Variants in WIPI2 observed in about 807,000 individuals in gnomAD.
The protein encoded by WIPI2 is WD repeat domain, phosphoinositide interacting 2.
Under a neutral mutation model 52.3 loss-of-function variants are expected in WIPI2, and 28 were observed. That is an observed-to-expected ratio of 0.54 (90% CI 0.40 to 0.73). The LOEUF is 0.73. Among genes scored for constraint, WIPI2 ranks in the 30% least tolerant of loss-of-function variants. The pLI, the probability that WIPI2 is intolerant of heterozygous loss-of-function variation, is 0.00. For synonymous variants in WIPI2, 268 were observed against 245.0 expected (o/e 1.09, Z -0.88); for missense variants, 506 against 602.9 (o/e 0.84, Z 1.68).
chr7:5,204,439 C>G (rs1483490171), intron 3 of WIPI2, among the ~76,000 whole-genome samples: 2 of 152,156 alleles, frequency 1.3e-5, no homozygotes, highest in African/African-American at 4.8e-5. Context: ...TGCGCTCCAG[C>G]TTGGGCTGTC....
At chr7:5,222,201 G>C (rs62441067) in intron 7 of WIPI2, among the ~76,000 whole-genome samples, 1 of 152,132 alleles carries the variant, frequency 6.6e-6, no homozygotes, top group Non-Finnish European at 1.5e-5. Flanking sequence ...TGCCCGCCTC[G>C]GCCTCCCAAA....
chr7:5,202,379 C>T (rs770229142), intron 3 of WIPI2, among the ~76,000 whole-genome samples: 4 of 152,054 alleles, frequency 2.6e-5, no homozygotes, highest in Non-Finnish European at 4.4e-5. Flanking sequence ...TGTTTATGGG[C>T]GCCTCATATA....
rs1193535556 is a variant in WIPI2 at position 5,217,076 on chromosome 7, T to C, written c.479-14T>C. ...GTGGAAGTTTGCATCTCGTCCTCCG[T>C]GTGTCATTTGCAGGCCTGTGTGCGC... On this transcript the variant is annotated splice_polypyrimidine_tract_variant and intron_variant, in intron 5 of 12. Transcript: ENST00000288828. The C allele has an allele frequency of 1.9e-6, 3 of 1,602,098 alleles. No homozygotes were observed. The highest frequency in any genetic ancestry group is 2.6e-6 in the Non-Finnish European group (3 of 1,170,214).
At chr7:5,217,336 G>C in intron 6 of WIPI2, 149 bp downstream of exon 6, 1 of 827,204 alleles carries the variant, frequency 1.2e-6, no homozygotes, top group Admixed American at 2.1e-5. Flanking sequence ...ACAGGGTCTG[G>C]CTCTGTCGCC....
At chr7:5,215,396 C>T (rs1336738484) in intron 4 of WIPI2, among the ~76,000 whole-genome samples, 1 of 152,178 alleles carries the variant, frequency 6.6e-6, no homozygotes, top group Non-Finnish European at 1.5e-5. Context: ...ATTACTTTAT[C>T]TCCCCCTAAA....
intron 4 of WIPI2, 130 bp downstream of exon 4, chr7:5,214,834 C>T: frequency 9.4e-7 from 1 of 1,062,556 alleles, no homozygotes; most frequent in Non-Finnish European, 1.4e-6. Context: ...GGCACAGATC[C>T]TTGCCTACAG....
chr7:5,219,911 A>G (rs909786899), intron 7 of WIPI2, among the ~76,000 whole-genome samples: 8 of 147,486 alleles, frequency 5.4e-5, no homozygotes, highest in African/African-American at 1.0e-4. Flanking sequence ...TCTCTGCTCT[A>G]TGCAACCTCC....
intron 4 of WIPI2, among the ~76,000 whole-genome samples, chr7:5,215,845 T>C (rs921666509): frequency 6.6e-6 from 1 of 152,264 alleles, no homozygotes; most frequent in Admixed American, 6.5e-5. Context: ...TCTACATTCA[T>C]TTTCTTCCAA....
chr7:5,204,984 T>C (rs918396945), intron 3 of WIPI2, among the ~76,000 whole-genome samples: 1 of 149,804 alleles, frequency 6.7e-6, no homozygotes, highest in Non-Finnish European at 1.5e-5. Context: ...CCTATTAGTC[T>C]TTTTTTTTTG....
At chr7:5,197,804 C>T (rs750812605) in intron 2 of WIPI2, among the ~76,000 whole-genome samples, 5 of 152,186 alleles carry the variant, frequency 3.3e-5, no homozygotes, top group African/African-American at 4.8e-5. Context: ...TTCTGTTTTA[C>T]CTCCTCATTT....
At chr7:5,223,548 G>T (rs1054405359) in intron 8 of WIPI2, among the ~76,000 whole-genome samples, 8 of 152,148 alleles carry the variant, frequency 5.3e-5, no homozygotes, top group African/African-American at 1.7e-4. Flanking sequence ...GAGTTTTCCT[G>T]TGTTGCTGCT....
At chr7:5,229,539 G>A (rs1167864541) in intron 11 of WIPI2, 69 bp from the exon 12 acceptor site, 21 of 1,548,858 alleles carry the variant, frequency 1.4e-5, no homozygotes, top group Non-Finnish European at 1.6e-5. Context: ...CCGCAGGGCA[G>A]CCAGTGTGTA....
intron 8 of WIPI2, among the ~76,000 whole-genome samples, chr7:5,225,106 GC>G (rs1783358910): frequency 1.3e-5 from 2 of 151,436 alleles, no homozygotes; most frequent in African/African-American, 4.8e-5. Context: ...ACACACTGGA[GC>G]CACTTTCCCT....
chr7:5,211,222 A>G (rs1038677919), intron 3 of WIPI2, among the ~76,000 whole-genome samples: 3 of 152,242 alleles, frequency 2.0e-5, no homozygotes, highest in Non-Finnish European at 4.4e-5. Flanking sequence ...CTGTAATCCA[A>G]GCACTTTGGG....
At chr7:5,194,516 G>A (rs187083993) in intron 2 of WIPI2, among the ~76,000 whole-genome samples, 120 of 152,288 alleles carry the variant, frequency 7.9e-4, no homozygotes, top group Non-Finnish European at 1.4e-3. Flanking sequence ...ATTCATTGAC[G>A]GAGACTTTCA....
chr7:5,201,078 C>T (rs533087129), intron 3 of WIPI2, among the ~76,000 whole-genome samples: 2 of 152,346 alleles, frequency 1.3e-5, no homozygotes, highest in African/African-American at 2.4e-5. Flanking sequence ...TTATCCCAGG[C>T]GCCGCCCGCC....
intron 4 of WIPI2, among the ~76,000 whole-genome samples, chr7:5,215,952 T>C (rs1256639907): frequency 6.6e-6 from 1 of 152,250 alleles, no homozygotes; most frequent in Non-Finnish European, 1.5e-5. Context: ...GCACTCAGCA[T>C]CAGTTTTAAA....
At chr7:5,196,474 A>T (rs1007869505) in intron 2 of WIPI2, among the ~76,000 whole-genome samples, 17 of 152,208 alleles carry the variant, frequency 1.1e-4, no homozygotes, top group African/African-American at 4.1e-4. Flanking sequence ...ACAGTTTTGT[A>T]AACTGTGGGG....
intron 7 of WIPI2, among the ~76,000 whole-genome samples, chr7:5,219,806 CAG>C (rs1452171137): frequency 6.6e-6 from 1 of 151,856 alleles, no homozygotes; most frequent in African/African-American, 2.4e-5. Context: ...TCCCTCCATC[CAG>C]AGAGAACCAA....
Sources: allele counts gnomAD v4.1 joint callset (sites outside exome capture counted in the v4.1 genomes callset), GRCh38; gene constraint gnomAD v4.1.1; transcripts MANE v1.5; gene names NCBI Gene and HGNC (gene_info 2026-07-23, HGNC 2026-07-21).